Variants in CELA3B observed in about 807,000 individuals in gnomAD.
CELA3B encodes the protein chymotrypsin-like elastase family member 3B.
In CELA3B, 34 loss-of-function variants were observed where a neutral mutation model predicts 37.2. The ratio of observed to expected loss-of-function variants is 0.91; its 90% CI spans 0.70 to 1.22. The LOEUF (loss-of-function observed/expected upper bound fraction) is 1.22, where lower values mean the gene tolerates loss of function less well. Ranked by LOEUF, CELA3B falls within the 50% of genes most tolerant of loss-of-function variation. The pLI, the probability that CELA3B is intolerant of heterozygous loss-of-function variation, is 0.00. For missense variants in CELA3B, 340 were observed against 363.1 expected (o/e 0.94, Z 0.52); for synonymous variants, 127 against 143.5 (o/e 0.89, Z 0.82).
At chr1:21,998,044 G>A in intron 4 of CELA3B, 1 of 421,892 alleles carries the variant, frequency 2.4e-6, no homozygotes, top group South Asian at 1.7e-5. Context: ...ACAAACAAAA[G>A]TTATGCCTTC....
intron 4 of CELA3B, among the ~76,000 whole-genome samples, chr1:21,994,719 G>C (rs1644882903): frequency 6.6e-6 from 1 of 150,996 alleles, no homozygotes; most frequent in South Asian, 2.1e-4. Context: ...CCTAGTTGTG[G>C]CCAGGCATGG....
chr1:21,996,143 G>T (rs1012724798), intron 4 of CELA3B, among the ~76,000 whole-genome samples: 1 of 151,226 alleles, frequency 6.6e-6, no homozygotes, highest in African/African-American at 2.5e-5. Flanking sequence ...AACCTGGGAG[G>T]TGGAGGCTGC....
At chr1:21,989,701 C>T (rs1422651802), downstream of CELA3B, among the ~76,000 whole-genome samples, 8 of 150,972 alleles carry the variant, frequency 5.3e-5, no homozygotes, top group East Asian at 3.9e-4. Flanking sequence ...CTGCCAGCCC[C>T]TCAGCAGGCT....
At chr1:21,980,461 C>G (rs113463948) in intron 2 of CELA3B, among the ~76,000 whole-genome samples, 2 of 151,582 alleles carry the variant, frequency 1.3e-5, no homozygotes, top group Non-Finnish European at 3.0e-5. Flanking sequence ...GCCTGGGGAA[C>G]AAGAGCAAAA....
At chr1:21,986,441 G>C (rs1441720368) in intron 6 of CELA3B, 90 bp from the exon 7 acceptor site, 85 of 1,529,438 alleles carry the variant, frequency 5.6e-5, no homozygotes, top group Non-Finnish European at 7.2e-5. Context: ...GTCAGGTAAT[G>C]TCGGAGTTTC....
At chr1:21,996,051 A>G (rs1316821430) in intron 4 of CELA3B, among the ~76,000 whole-genome samples, 1 of 150,948 alleles carries the variant, frequency 6.6e-6, no homozygotes, top group East Asian at 2.0e-4. Context: ...AGGTCTCTAC[A>G]CAAATACAAA....
At chr1:21,996,974 C>A (rs556726489) in intron 4 of CELA3B, among the ~76,000 whole-genome samples, 1 of 151,394 alleles carries the variant, frequency 6.6e-6, no homozygotes, top group African/African-American at 2.4e-5. Context: ...AGATCAGAAT[C>A]CGGTTTTTAA....
intron 6 of CELA3B, among the ~76,000 whole-genome samples, chr1:21,986,185 A>C (rs1362429067): frequency 6.6e-6 from 1 of 151,384 alleles, no homozygotes; most frequent in African/African-American, 2.4e-5. Context: ...CCTGGCCAAC[A>C]TGGTGAAATC....
downstream of CELA3B, chr1:21,989,469 GA>G: frequency 1.9e-5 from 10 of 512,972 alleles, no homozygotes; most frequent in East Asian, 3.3e-5. Context: ...GAAGATGAGG[GA>G]AAAATGATGC....
chr1:21,982,228 C>T (rs574652691), intron 4 of CELA3B, among the ~76,000 whole-genome samples: 5 of 152,060 alleles, frequency 3.3e-5, no homozygotes, highest in Non-Finnish European at 5.9e-5. Context: ...TGGAGTGACA[C>T]GCAGGCAGGT....
chr1:21,978,240 T>G, intron 1 of CELA3B, 129 bp from the exon 2 acceptor site: 1 of 826,414 alleles, frequency 1.2e-6, no homozygotes, highest in South Asian at 1.6e-5. Context: ...GTTACTGAGG[T>G]CCAGAGGGCG....
At chr1:21,984,377 C>G in intron 6 of CELA3B, 46 bp downstream of exon 6, 1 of 1,589,266 alleles carries the variant, frequency 6.3e-7, no homozygotes, top group Non-Finnish European at 8.6e-7. Context: ...GTGTGCAGGA[C>G]CTTGGAATGG....
intron 7 of CELA3B, among the ~76,000 whole-genome samples, chr1:21,988,899 A>G (rs1368883874): frequency 8.6e-6 from 1 of 115,648 alleles, no homozygotes; most frequent in Non-Finnish European, 2.2e-5. Flanking sequence ...CAAAAAGAAA[A>G]AAAACTCCAA....
At chr1:21,988,207 A>C (rs1249286989) in intron 7 of CELA3B, among the ~76,000 whole-genome samples, 1 of 149,200 alleles carries the variant, frequency 6.7e-6, no homozygotes, top group African/African-American at 2.5e-5. Context: ...GCAAGACTCC[A>C]TCTCAAAAAC....
At chr1:21,995,959 A>T (rs1159753110) in intron 4 of CELA3B, among the ~76,000 whole-genome samples, 1 of 149,806 alleles carries the variant, frequency 6.7e-6, no homozygotes, top group African/African-American at 2.5e-5. Flanking sequence ...TCAGCCTGTA[A>T]TCCCAGCACT....
chr1:21,982,810 T>C (rs1200964670), intron 4 of CELA3B, among the ~76,000 whole-genome samples: 1 of 149,652 alleles, frequency 6.7e-6, no homozygotes, highest in Non-Finnish European at 1.5e-5. Context: ...CCCGGGTAGC[T>C]GGGACTGCAG....
intron 4 of CELA3B, among the ~76,000 whole-genome samples, chr1:21,983,254 C>T (rs1274165346): frequency 6.6e-6 from 1 of 152,128 alleles, no homozygotes; most frequent in Non-Finnish European, 1.5e-5. Flanking sequence ...ACTCAGGAGG[C>T]TGAGGCAGGA....
chr1:21,992,978 A>G (rs146143806), downstream of CELA3B, among the ~76,000 whole-genome samples: 2,863 of 150,776 alleles, frequency 0.019, 82 homozygotes, highest in Middle Eastern at 0.062. Flanking sequence ...CAAAAAAAAA[A>G]AAAAGAAAGA....
intron 4 of CELA3B, among the ~76,000 whole-genome samples, chr1:21,982,175 T>G (rs1644809644): frequency 6.6e-6 from 1 of 152,140 alleles, no homozygotes; most frequent in Non-Finnish European, 1.5e-5. Flanking sequence ...TCACAGGGCT[T>G]CTGGGGTGAG....
Sources: gnomAD v4.1 joint callset for allele counts (sites outside exome capture counted in the v4.1 genomes callset) on GRCh38, gnomAD v4.1.1 for gene constraint, MANE v1.5 for transcripts, NCBI Gene and HGNC (gene_info 2026-07-23, HGNC 2026-07-21) for gene names.